TMEM132D: variants seen among roughly 807,000 people sequenced by gnomAD.
The protein encoded by TMEM132D is mature OL transmembrane protein.
TMEM132D carries 21 observed loss-of-function variants against 62.3 expected under a neutral mutation model. That is an observed-to-expected ratio of 0.34 (90% CI 0.24 to 0.49). The LOEUF is 0.49. TMEM132D is among the 20% of genes least tolerant of loss of function. The pLI is 0.99. For synonymous variants in TMEM132D, 621 were observed against 575.6 expected (o/e 1.08, Z -1.13); for missense variants, 1,346 against 1,402.8 (o/e 0.96, Z 0.65).
At chr12:129,279,954 A>G (rs559286874) in intron 4 of TMEM132D, among the ~76,000 whole-genome samples, 3 of 152,324 alleles carry the variant, frequency 2.0e-5, no homozygotes, top group African/African-American at 7.2e-5. Context: ...TAAAAGTGAC[A>G]CATTGACTTT....
rs1872069142 is a variant in TMEM132D at position 129,414,857 on chromosome 12, T to C, written c.1116-77040A>G. On this transcript the variant is annotated intron_variant, in intron 3 of 8. Coordinates refer to ENST00000422113, the MANE Select transcript of TMEM132D (RefSeq NM_133448.3). ...TCTCTGGTCACCACCATTCTACTATTCTACTCTCTGTTTCTGTGAATTCAA... is the reference window on the plus strand; with the variant it reads ...TCTCTGGTCACCACCATTCTACTATCCTACTCTCTGTTTCTGTGAATTCAA... Among the ~76,000 whole-genome samples, 5 of 152,272 alleles carry C rather than the reference T, an allele frequency of 3.3e-5. 1 individual carries two copies. The South Asian group carries it at 1.0e-3, about 32-fold the overall frequency.
At chr12:129,080,950 A>G (rs1338825300) in intron 7 of TMEM132D, among the ~76,000 whole-genome samples, 1 of 152,166 alleles carries the variant, frequency 6.6e-6, no homozygotes, top group Non-Finnish European at 1.5e-5. Flanking sequence ...ATATGGAGGC[A>G]CAATCACTTC....
chr12:129,874,763 G>A (rs1261323035), intron 1 of TMEM132D, among the ~76,000 whole-genome samples: 4 of 145,718 alleles, frequency 2.7e-5, no homozygotes, highest in South Asian at 4.3e-4. Context: ...GTGCAATGGC[G>A]CAATCTCGGC....
At chr12:129,767,519 T>C (rs987424570) in intron 1 of TMEM132D, among the ~76,000 whole-genome samples, 6 of 152,190 alleles carry the variant, frequency 3.9e-5, no homozygotes, top group Admixed American at 1.3e-4. Context: ...CCTCAGCCCC[T>C]GACAACCATC....
In TMEM132D at chr12:129,779,464, T is replaced by C. The variant is rs1185008640; in HGVS notation, c.80-78766A>G. Reference sequence around the variant, plus strand: ...CCCACCATGCCCAGCTAATATTTTGTAGAGATGAGGTCTCATCATATTGTC... The same window carrying C: ...CCCACCATGCCCAGCTAATATTTTGCAGAGATGAGGTCTCATCATATTGTC... On this transcript the variant is annotated intron_variant, in intron 1 of 8. Transcript: ENST00000422113. This position sits in a 1 kb window ranked among gnomAD's most constrained non-coding sequence, Gnocchi z 4.1. Among the ~76,000 whole-genome samples, 1 of 152,116 alleles carries C rather than the reference T, an allele frequency of 6.6e-6. No individual in the cohort carries two copies. Among genetic ancestry groups the C allele is most frequent in the Non-Finnish European group, 1.5e-5 (1 of 68,020 alleles).
intron 2 of TMEM132D, among the ~76,000 whole-genome samples, chr12:129,643,192 G>A (rs1879687867): frequency 6.6e-6 from 1 of 152,006 alleles, no homozygotes. Flanking sequence ...CAAAGTGCTG[G>A]GATTACAGGC....
chr12:129,134,092 G>A (rs1876465722), intron 5 of TMEM132D, among the ~76,000 whole-genome samples: 2 of 147,102 alleles, frequency 1.4e-5, no homozygotes, highest in South Asian at 4.6e-4. Context: ...TGTTGTATGT[G>A]TGTGTGTGTT....
chr12:129,502,234 C>T lies in TMEM132D; in HGVS notation c.1115+28825G>A, dbSNP rs994112781. Among the ~76,000 whole-genome samples, 10 of 152,166 alleles carry T rather than the reference C, an allele frequency of 6.6e-5. 1 individual carries two copies. The highest frequency in any genetic ancestry group is 2.2e-4 in the African/African-American group (9 of 41,546). On this transcript the variant is annotated intron_variant, in intron 3 of 8. Transcript: ENST00000422113. ...CAGGATGGTCTTGATCTCCTGACCT[C>T]GTGATCCACCCGCCTCGGCCTCCCA...
intron 3 of TMEM132D, among the ~76,000 whole-genome samples, chr12:129,410,531 TG>T (rs1314939875): frequency 6.6e-6 from 1 of 152,024 alleles, no homozygotes; most frequent in Non-Finnish European, 1.5e-5. Flanking sequence ...AGCTAATTTT[TG>T]TATTTTTAGT....
intron 2 of TMEM132D, among the ~76,000 whole-genome samples, chr12:129,615,997 T>C (rs975107440): frequency 3.3e-5 from 5 of 152,102 alleles, no homozygotes; most frequent in East Asian, 1.9e-4. Context: ...AATGGCTGGT[T>C]TGAAGAAACA....
At chr12:129,789,591 A>G (rs1309557500) in intron 1 of TMEM132D, among the ~76,000 whole-genome samples, 2 of 152,236 alleles carry the variant, frequency 1.3e-5, no homozygotes, top group East Asian at 3.9e-4. Flanking sequence ...ATGCTTTGAA[A>G]GATTTTCATT....
chr12:129,134,589 T>C (rs1489838651), intron 5 of TMEM132D, among the ~76,000 whole-genome samples: 1 of 152,248 alleles, frequency 6.6e-6, no homozygotes, highest in African/African-American at 2.4e-5. Context: ...AGTTGACTAG[T>C]GTGTGAAATA....
At chr12:129,649,846 A>G (rs900797836) in intron 2 of TMEM132D, among the ~76,000 whole-genome samples, 1 of 147,604 alleles carries the variant, frequency 6.8e-6, no homozygotes, top group African/African-American at 2.4e-5. Flanking sequence ...ATGTATTTGT[A>G]TGTTTGTATA....
At chr12:129,710,546 C>T (rs1371330316) in intron 1 of TMEM132D, among the ~76,000 whole-genome samples, 1 of 152,160 alleles carries the variant, frequency 6.6e-6, no homozygotes, top group Non-Finnish European at 1.5e-5. Flanking sequence ...ATCCACCCAC[C>T]TCGGCTTCCT....
intron 5 of TMEM132D, among the ~76,000 whole-genome samples, chr12:129,134,086 GTA>G (rs1282836314): frequency 3.3e-5 from 5 of 149,480 alleles, no homozygotes; most frequent in African/African-American, 7.4e-5. Flanking sequence ...TGTGTGTGTT[GTA>G]TGTGTGTGTG....
At chr12:129,157,808 CAT>C (rs1252928752) in intron 5 of TMEM132D, among the ~76,000 whole-genome samples, 1 of 152,122 alleles carries the variant, frequency 6.6e-6, no homozygotes, top group Non-Finnish European at 1.5e-5. Context: ...AAATTTATGA[CAT>C]ATATAATTTC....
At chr12:129,637,822 G>T (rs1033223049) in intron 2 of TMEM132D, among the ~76,000 whole-genome samples, 4 of 152,050 alleles carry the variant, frequency 2.6e-5, no homozygotes. Context: ...AGGAAGGCAG[G>T]GGGCGGAGGT....
intron 1 of TMEM132D, among the ~76,000 whole-genome samples, chr12:129,902,797 T>C (rs1046572567): frequency 1.3e-5 from 2 of 152,002 alleles, no homozygotes; most frequent in African/African-American, 2.4e-5. Context: ...AGTATTCCCA[T>C]ACAACAGGAG....
chr12:129,820,400 C>T (rs939832938), intron 1 of TMEM132D, among the ~76,000 whole-genome samples: 9 of 152,290 alleles, frequency 5.9e-5, no homozygotes, highest in Admixed American at 3.3e-4. Context: ...TTATTCGAGT[C>T]TGGCAGAGCT....
Sources: allele counts gnomAD v4.1 joint callset (sites outside exome capture counted in the v4.1 genomes callset), GRCh38; gene constraint gnomAD v4.1.1; non-coding constraint Gnocchi (gnomAD v3.1); transcripts MANE v1.5; gene names NCBI Gene and HGNC (gene_info 2026-07-23, HGNC 2026-07-21).